Variants in KCNQ5 observed in about 807,000 individuals in gnomAD.
KCNQ5 encodes potassium voltage-gated channel subfamily Q member 5, also known as potassium voltage-gated channel subfamily KQT member 5.
Under a neutral mutation model 98.2 loss-of-function variants are expected in KCNQ5, and 30 were observed. The observed-to-expected ratio is 0.31, with a 90% CI of 0.23 to 0.41. The LOEUF (loss-of-function observed/expected upper bound fraction) is 0.41. Ranked by LOEUF, KCNQ5 falls within the 10% of genes least tolerant of loss-of-function variation. The probability of loss-of-function intolerance (pLI) is 1.00; values close to 1 mark genes in which losing one functional copy is unlikely to be tolerated. For missense variants in KCNQ5, 835 were observed against 1,182.5 expected, an observed-to-expected ratio of 0.71 and a Z score of 4.31; for synonymous variants, 458 against 449.4, an observed-to-expected ratio of 1.02 and a Z score of -0.24.
At chr6:72,923,355 T>C (rs1780490559) in intron 1 of KCNQ5, among the ~76,000 whole-genome samples, 1 of 152,194 alleles carries the variant, frequency 6.6e-6, no homozygotes, top group South Asian at 2.1e-4. Context: ...CCACCAATAG[T>C]GTACATGGGC....
chr6:72,879,242 A>G (rs9360608), intron 1 of KCNQ5, among the ~76,000 whole-genome samples: 40,613 of 151,986 alleles, frequency 0.27, 5,612 homozygotes, highest in Non-Finnish European at 0.29. Context: ...AAGAGTGGTG[A>G]GAGATATGAG....
chr6:72,819,327 A>T (rs568106085), intron 1 of KCNQ5, among the ~76,000 whole-genome samples: 2 of 152,140 alleles, frequency 1.3e-5, no homozygotes, highest in Non-Finnish European at 2.9e-5. Flanking sequence ...TCTTTAAGTT[A>T]TTATAAAATA....
At chr6:73,055,024 G>A in intron 3 of KCNQ5, 1 of 516,916 alleles carries the variant, frequency 1.9e-6, no homozygotes, top group Non-Finnish European at 3.6e-6. Context: ...ACAAAAATCA[G>A]TAGAATCCCT....
chr6:73,032,076 G>A (rs75800352), intron 2 of KCNQ5, among the ~76,000 whole-genome samples: 513 of 152,240 alleles, frequency 3.4e-3, no homozygotes, highest in East Asian at 0.026. Context: ...CAATCCACAG[G>A]ACAAATATCA....
intron 1 of KCNQ5, among the ~76,000 whole-genome samples, chr6:72,893,180 G>T (rs957469418): frequency 6.6e-6 from 1 of 152,222 alleles, no homozygotes; most frequent in African/African-American, 2.4e-5. Flanking sequence ...CTGCTGGCAA[G>T]CAGTGTGGGC....
chr6:73,069,868 G>A (rs969159060), intron 3 of KCNQ5, among the ~76,000 whole-genome samples: 13 of 152,158 alleles, frequency 8.5e-5, no homozygotes, highest in African/African-American at 7.2e-5. Context: ...ACATTTTCAT[G>A]TGGTAGTAGA....
intron 1 of KCNQ5, among the ~76,000 whole-genome samples, chr6:72,793,523 A>G (rs4506006): frequency 0.012 from 1,895 of 152,334 alleles, 50 homozygotes; most frequent in African/African-American, 0.043. Context: ...TTTGTCATGA[A>G]TTCCTCTTCT....
At chr6:72,864,329 G>A (rs930212032) in intron 1 of KCNQ5, among the ~76,000 whole-genome samples, 3 of 152,018 alleles carry the variant, frequency 2.0e-5, no homozygotes, top group African/African-American at 7.2e-5. Flanking sequence ...AAGACACAAA[G>A]CCAAGGAGTT....
intron 1 of KCNQ5, among the ~76,000 whole-genome samples, chr6:72,794,807 G>A (rs568139478): frequency 2.6e-4 from 40 of 152,260 alleles, no homozygotes; most frequent in African/African-American, 9.1e-4. Flanking sequence ...AAAAGATGGC[G>A]TTTTGCAACC....
chr6:72,740,602 T>A (rs995439076), intron 1 of KCNQ5, among the ~76,000 whole-genome samples: 1 of 152,038 alleles, frequency 6.6e-6, no homozygotes, highest in Non-Finnish European at 1.5e-5. Context: ...ATGGATATAG[T>A]TGAGCAATAT....
At chr6:73,169,624 T>A (rs934550334) in intron 10 of KCNQ5, 122 bp from the exon 11 acceptor site, 6 of 699,372 alleles carry the variant, frequency 8.6e-6, no homozygotes, top group Non-Finnish European at 1.6e-5. Flanking sequence ...GCTGACCTTA[T>A]ACATATCTTG....
At chr6:73,097,100 T>C (rs922857391) in intron 5 of KCNQ5, among the ~76,000 whole-genome samples, 1 of 145,780 alleles carries the variant, frequency 6.9e-6, no homozygotes. Context: ...AAATGCACAA[T>C]ACACATTACT....
Position 73,192,698 on chromosome 6 carries a change from C to T in KCNQ5, c.1836+7C>T, listed in dbSNP as rs200063064. 5.2e-5 allele frequency: 81 copies of T among 1,571,268 alleles called. No individual in the cohort carries two copies. The highest frequency in any genetic ancestry group is 6.6e-5 in the Non-Finnish European group (77 of 1,160,152). On this transcript the variant is annotated splice_region_variant and intron_variant, in intron 13 of 13. Transcript: ENST00000370398. ...GGTCAAGGTTGAAAAACAGGTACAA[C>T]TCAACTACGCTGGGTATCTTTTTAG...
chr6:72,644,549 T>A (rs1356134790), intron 1 of KCNQ5, among the ~76,000 whole-genome samples: 1 of 152,072 alleles, frequency 6.6e-6, no homozygotes, highest in East Asian at 1.9e-4. Flanking sequence ...AGTAGATAAA[T>A]TCTCAAATAT....
chr6:72,699,940 AT>A (rs1441959662), intron 1 of KCNQ5, among the ~76,000 whole-genome samples: 1 of 152,156 alleles, frequency 6.6e-6, no homozygotes, highest in East Asian at 1.9e-4. Flanking sequence ...CACATAATTA[AT>A]TGTTCCTTAT....
At chr6:73,116,603 G>C (rs978165972) in intron 7 of KCNQ5, among the ~76,000 whole-genome samples, 2 of 152,188 alleles carry the variant, frequency 1.3e-5, no homozygotes, top group Admixed American at 6.5e-5. Flanking sequence ...TTGAGCCTGG[G>C]AGTTTGAAGC....
intron 1 of KCNQ5, among the ~76,000 whole-genome samples, chr6:72,901,196 T>A (rs2150194606): frequency 7.1e-6 from 1 of 140,610 alleles, no homozygotes; most frequent in South Asian, 2.3e-4. Flanking sequence ...CATTTTTTGA[T>A]GGGATTTATT....
intron 3 of KCNQ5, among the ~76,000 whole-genome samples, chr6:73,064,622 A>G (rs1290143721): frequency 1.3e-5 from 2 of 152,160 alleles, no homozygotes; most frequent in African/African-American, 4.8e-5. Context: ...GAAAATAGGT[A>G]CTGAAGAAAA....
chr6:73,009,771 C>T (rs1468221652), intron 2 of KCNQ5, among the ~76,000 whole-genome samples: 2 of 152,116 alleles, frequency 1.3e-5, no homozygotes, highest in African/African-American at 4.8e-5. Flanking sequence ...CATTGGAAAT[C>T]TAGATGAAAT....
Sources: gnomAD v4.1 joint callset for allele counts (sites outside exome capture counted in the v4.1 genomes callset) on GRCh38, gnomAD v4.1.1 for gene constraint, MANE v1.5 for transcripts, NCBI Gene and HGNC (gene_info 2026-07-23, HGNC 2026-07-21) for gene names.